STK32B: variants seen among roughly 807,000 people sequenced by gnomAD.
STK32B encodes serine/threonine-protein kinase 32B.
Under a neutral mutation model 52.6 loss-of-function variants are expected in STK32B, and 43 were observed. The ratio of observed to expected loss-of-function variants is 0.82; its 90% CI spans 0.64 to 1.05. The LOEUF is 1.05. Ranked by LOEUF, STK32B falls within the 50% of genes least tolerant of loss-of-function variation. The pLI is 0.00. For synonymous variants in STK32B, 238 were observed against 204.3 expected, an observed-to-expected ratio of 1.17 and a Z score of -1.41; for missense variants, 621 against 534.6, an observed-to-expected ratio of 1.16 and a Z score of -1.59.
chr4:5,159,619 GAATA>G (rs1718212101), intron 2 of STK32B, among the ~76,000 whole-genome samples: 3 of 113,388 alleles, frequency 2.6e-5, no homozygotes, highest in South Asian at 2.6e-4. Context: ...GAATATATAT[GAATA>G]TATATGAATA....
chr4:5,406,661 G>T (rs1737697855), intron 5 of STK32B, among the ~76,000 whole-genome samples: 1 of 152,176 alleles, frequency 6.6e-6, no homozygotes, highest in Admixed American at 6.5e-5. Flanking sequence ...ACCCTTTGGA[G>T]CAGTGGCCTG....
intron 3 of STK32B, among the ~76,000 whole-genome samples, chr4:5,289,819 A>T (rs1728779631): frequency 6.7e-6 from 1 of 149,986 alleles, no homozygotes; most frequent in South Asian, 2.1e-4. Flanking sequence ...CTGGGATTAC[A>T]AGCGTGATGA....
chr4:5,021,190 T>C, the STK32B span, among the ~76,000 whole-genome samples: 2 of 152,212 alleles, frequency 1.3e-5, no homozygotes, highest in Non-Finnish European at 2.9e-5. Flanking sequence ...GTAAACAGGA[T>C]AGCATCACGC....
chr4:5,112,090 A>C (rs1714435913), intron 1 of STK32B, among the ~76,000 whole-genome samples: 1 of 152,168 alleles, frequency 6.6e-6, no homozygotes, highest in Non-Finnish European at 1.5e-5. Context: ...AGAGTACTTT[A>C]ATCCCAGACA....
chr4:5,327,360 C>A (rs1731950607), intron 3 of STK32B, among the ~76,000 whole-genome samples: 1 of 150,710 alleles, frequency 6.6e-6, no homozygotes, highest in African/African-American at 2.4e-5. Flanking sequence ...TTACTTTGCC[C>A]AGATCCATCA....
chr4:5,045,272 G>A, the STK32B span, among the ~76,000 whole-genome samples: 3 of 152,190 alleles, frequency 2.0e-5, no homozygotes, highest in Admixed American at 1.3e-4. Context: ...TAGCCTCTGT[G>A]GCCCCCTGCA....
chr4:5,355,317 T>A (rs767875517), intron 4 of STK32B, among the ~76,000 whole-genome samples: 12 of 152,152 alleles, frequency 7.9e-5, no homozygotes, highest in Non-Finnish European at 1.5e-4. Flanking sequence ...CCCGTGCCCA[T>A]CTCTCCAGAC....
rs1272203759 is a variant in STK32B, at chr4:5,394,412, T to C, written c.435-3795T>C. Among the ~76,000 whole-genome samples, 2 of 152,114 alleles carry C rather than the reference T, an allele frequency of 1.3e-5. No individual in the cohort carries two copies. The highest frequency in any genetic ancestry group is 4.8e-5 in the African/African-American group (2 of 41,410). On this transcript the variant is annotated intron_variant, in intron 4 of 11. Coordinates refer to ENST00000282908, the MANE Select transcript of STK32B (RefSeq NM_018401.3). This position sits in a 1 kb window ranked among gnomAD's most constrained non-coding sequence, Gnocchi z 4.2. ...GCTGAGATACGATCAATGTGAAAAATAGAGCTGGAGGAAACGGTCCTGAAA... is the reference window on the plus strand; with the variant it reads ...GCTGAGATACGATCAATGTGAAAAACAGAGCTGGAGGAAACGGTCCTGAAA...
At chr4:5,134,473 C>T (rs1159120525) in intron 1 of STK32B, among the ~76,000 whole-genome samples, 2 of 152,088 alleles carry the variant, frequency 1.3e-5, no homozygotes, top group African/African-American at 4.8e-5. Flanking sequence ...CATCAGATGC[C>T]AGCACCTTAA....
chr4:5,316,114 A>G (rs899612723), intron 3 of STK32B, among the ~76,000 whole-genome samples: 2 of 104,056 alleles, frequency 1.9e-5, no homozygotes, highest in Non-Finnish European at 3.2e-5. Context: ...CTGTATAAAT[A>G]TATATATATA....
intron 3 of STK32B, among the ~76,000 whole-genome samples, chr4:5,251,813 G>A (rs76402004): frequency 0.017 from 2,559 of 152,174 alleles, 75 homozygotes; most frequent in African/African-American, 0.058. Context: ...TGTGTTTCTA[G>A]GTATTTCATT....
intron 3 of STK32B, among the ~76,000 whole-genome samples, chr4:5,243,849 G>T (rs1225368221): frequency 1.3e-5 from 2 of 152,128 alleles, no homozygotes; most frequent in South Asian, 2.1e-4. Context: ...TGTGGTTTTT[G>T]TCTTTGGTTC....
intron 2 of STK32B, among the ~76,000 whole-genome samples, chr4:5,145,205 T>C (rs1267496122): frequency 1.3e-5 from 2 of 152,230 alleles, no homozygotes; most frequent in African/African-American, 4.8e-5. Flanking sequence ...CCATTCCCAA[T>C]TAACATTCTA....
At chr4:5,323,002 T>A (rs1731617994) in intron 3 of STK32B, among the ~76,000 whole-genome samples, 1 of 152,178 alleles carries the variant, frequency 6.6e-6, no homozygotes, top group Non-Finnish European at 1.5e-5. Context: ...ACCTCTCTTG[T>A]CCTTGGTTTC....
rs181836494 is a variant in STK32B, at chr4:5,353,904, A to T, written c.434+22511A>T. ...CTGGGTGTTTATGAAAAGGAAATGA[A>T]TCAGTATATCAAAGGGATACAGGCA... On this transcript the variant is annotated intron_variant, in intron 4 of 11. Transcript: ENST00000282908. Among the ~76,000 whole-genome samples, 4 of 152,340 alleles carry T rather than the reference A, an allele frequency of 2.6e-5. 1 individual carries two copies. In the East Asian group the frequency reaches 7.7e-4, roughly 29 times the overall value.
Position 5,293,427 on chromosome 4 carries a change from T to G in STK32B, c.261-37793T>G, listed in dbSNP as rs1167323933. ...ACCAACAGTGTAAAAGCGTTCCTATTTCTCCACATCCTCTCCAGCATCTGT... is the reference window on the plus strand; with the variant it reads ...ACCAACAGTGTAAAAGCGTTCCTATGTCTCCACATCCTCTCCAGCATCTGT... On this transcript the variant is annotated intron_variant, in intron 3 of 11. Transcript: ENST00000282908. 5.3e-5 allele frequency among the ~76,000 whole-genome samples: 8 copies of G among 152,266 alleles called. No individual in the cohort carries two copies. In the East Asian group the frequency reaches 1.3e-3, roughly 26 times the overall value.
At chr4:5,267,009 A>C (rs1727096145) in intron 3 of STK32B, among the ~76,000 whole-genome samples, 1 of 152,148 alleles carries the variant, frequency 6.6e-6, no homozygotes, top group African/African-American at 2.4e-5. Flanking sequence ...CATCTCAAAC[A>C]TCTACACTTT....
chr4:5,300,213 A>G (rs143112882), intron 3 of STK32B, among the ~76,000 whole-genome samples: 211 of 152,342 alleles, frequency 1.4e-3, no homozygotes, highest in African/African-American at 4.7e-3. Context: ...CAGAAAAAGC[A>G]TCCAATAAAA....
intron 11 of STK32B, among the ~76,000 whole-genome samples, chr4:5,474,997 C>T (rs548956748): frequency 2.2e-3 from 332 of 152,228 alleles, no homozygotes; most frequent in African/African-American, 7.5e-3. Flanking sequence ...GGAGAATCAG[C>T]TCAGTGACCT....
Sources: gnomAD v4.1 joint callset for allele counts (sites outside exome capture counted in the v4.1 genomes callset) on GRCh38, gnomAD v4.1.1 for gene constraint, Gnocchi (gnomAD v3.1) non-coding constraint, MANE v1.5 for transcripts, NCBI Gene and HGNC (gene_info 2026-07-23, HGNC 2026-07-21) for gene names.